PBX1: variants seen among roughly 807,000 people sequenced by gnomAD.
PBX1 encodes PBX homeobox 1, also known as pre-B-cell leukemia transcription factor 1.
PBX1 carries 6 observed loss-of-function variants against 53.4 expected under a neutral mutation model. That is an observed-to-expected ratio of 0.11 (90% CI 0.06 to 0.22). The LOEUF (loss-of-function observed/expected upper bound fraction) is 0.22. Ranked by LOEUF, PBX1 falls within the 10% of genes least tolerant of loss-of-function variation. The pLI is 1.00. For missense variants in PBX1, 251 were observed against 551.4 expected, an observed-to-expected ratio of 0.46 and a Z score of 5.46; for synonymous variants, 204 against 212.3, an observed-to-expected ratio of 0.96 and a Z score of 0.34.
intron 2 of PBX1, among the ~76,000 whole-genome samples, chr1:164,588,390 A>T (rs147572530): frequency 9.2e-5 from 14 of 151,904 alleles, no homozygotes; most frequent in African/African-American, 3.4e-4. Flanking sequence ...ATCACACGGT[A>T]AAAGTTGCCA....
At chr1:164,707,418 T>TGAGA (rs528876002) in intron 2 of PBX1, among the ~76,000 whole-genome samples, 13 of 118,258 alleles carry the variant, frequency 1.1e-4, no homozygotes, top group African/African-American at 4.2e-4. Context: ...TGTGTGTGTG[T>TGAGA]GAGAGAGAGA....
At chr1:164,567,043 T>C (rs1282681704) in intron 2 of PBX1, among the ~76,000 whole-genome samples, 1 of 152,176 alleles carries the variant, frequency 6.6e-6, no homozygotes, top group Non-Finnish European at 1.5e-5. Context: ...TTAATTCTAC[T>C]ACTTTATTTC....
chr1:164,768,017 C>G (rs1434796978), intron 2 of PBX1, among the ~76,000 whole-genome samples: 1 of 151,284 alleles, frequency 6.6e-6, no homozygotes, highest in Non-Finnish European at 1.5e-5. Flanking sequence ...TTTTTTTCCA[C>G]ATCAGTAGAT....
At chr1:164,684,408 A>G (rs1321355543) in intron 2 of PBX1, 1 of 152,192 alleles carries the variant, frequency 6.6e-6, no homozygotes, top group East Asian at 1.9e-4. Context: ...GGGAGATAAA[A>G]GGCAATCTAT....
At position 164,847,412 on chromosome 1, in the gene PBX1, G is replaced by T; in HGVS notation, c.*736G>T. The T allele has an allele frequency of 9.4e-7, 1 of 1,064,278 alleles. No homozygotes were observed. Among genetic ancestry groups the T allele is most frequent in the Non-Finnish European group, 1.1e-6 (1 of 878,604 alleles). The allele number at this position is 1,064,278 out of a possible 1,614,324, so 65.9% of individuals were successfully genotyped here. On this transcript the variant is annotated 3_prime_UTR_variant, in exon 9 of 9. Transcript: ENST00000420696. The stretch of plus-strand genomic sequence containing the variant: ...GCAGGGAAGGACACGGGAACAGCAG[G>T]TGGAGAATTCCTACAGTCTTTCTTA...
intron 6 of PBX1, 134 bp from the exon 7 acceptor site, chr1:164,819,938 T>C (rs1670069240): frequency 1.6e-6 from 1 of 622,402 alleles, no homozygotes; most frequent in Admixed American, 2.9e-5. Flanking sequence ...AACCAGACTC[T>C]GTTGATGTTA....
chr1:164,645,430 A>G (rs1659396016), intron 2 of PBX1, among the ~76,000 whole-genome samples: 1 of 152,202 alleles, frequency 6.6e-6, no homozygotes, highest in African/African-American at 2.4e-5. Flanking sequence ...AAAAAAGTTC[A>G]CAAAAGAAAT....
downstream of PBX1, among the ~76,000 whole-genome samples, chr1:164,854,697 T>C (rs1481801692): frequency 1.3e-5 from 2 of 151,832 alleles, no homozygotes; most frequent in African/African-American, 4.8e-5. Flanking sequence ...GTAAGGAAGG[T>C]TGTAAAGGGT....
At position 164,850,887 on chromosome 1, in the gene PBX1, TA is replaced by T; in HGVS notation, c.*4213del. 4.7e-6 allele frequency: 1 copy of T among 212,144 alleles called. No individual in the cohort carries two copies. Among genetic ancestry groups the T allele is most frequent in the Non-Finnish European group, 9.5e-6 (1 of 104,758 alleles). 13.1% of individuals were successfully genotyped at this position (212,144 alleles called of 1,614,324 possible). On this transcript the variant is annotated 3_prime_UTR_variant, in exon 9 of 9. Transcript: ENST00000420696. ...CCAAGTACTTTGTTTTATTTCTCCC[TA>T]ATTAATAACTACATTCCATGAGGCC...
At chr1:164,697,809 C>G (rs1459333905) in intron 2 of PBX1, among the ~76,000 whole-genome samples, 3 of 152,120 alleles carry the variant, frequency 2.0e-5, no homozygotes, top group African/African-American at 7.2e-5. Context: ...ACATCACCTC[C>G]CCCGACCAAA....
At position 164,559,802 on chromosome 1, in the gene PBX1, G is replaced by T; in HGVS notation, c.-21G>T. The T allele has an allele frequency of 6.5e-7, 1 of 1,527,848 alleles. No individual in the cohort carries two copies. The highest frequency in any genetic ancestry group is 8.8e-7 in the Non-Finnish European group (1 of 1,135,574). 94.6% of individuals were successfully genotyped at this position (1,527,848 alleles called of 1,614,324 possible). A position where few individuals can be genotyped will look rare whatever the true frequency, so the allele number is the denominator to read the frequency against. ...CGAGGAGCAGAAGAGGAAGAGCCGG[G>T]GGCTGCCGTAGCCTTTGGAGATGGA... On this transcript the variant is annotated 5_prime_UTR_variant, in exon 1 of 9. Coordinates refer to ENST00000420696, the MANE Select transcript of PBX1 (RefSeq NM_002585.4).
intron 2 of PBX1, among the ~76,000 whole-genome samples, chr1:164,668,397 A>G (rs1660927866): frequency 6.6e-6 from 1 of 152,156 alleles, no homozygotes; most frequent in African/African-American, 2.4e-5. Flanking sequence ...ACAAATGTAT[A>G]CAAATTCTCT....
At chr1:164,640,449 T>A (rs1016802936) in intron 2 of PBX1, among the ~76,000 whole-genome samples, 3 of 152,146 alleles carry the variant, frequency 2.0e-5, no homozygotes, top group African/African-American at 7.2e-5. Flanking sequence ...ACTCAGCAGA[T>A]TGCTCCTGGT....
chr1:164,709,310 C>T (rs1392639802), intron 2 of PBX1, among the ~76,000 whole-genome samples: 1 of 152,144 alleles, frequency 6.6e-6, no homozygotes, highest in Admixed American at 6.5e-5. Flanking sequence ...GAAATAGGCC[C>T]AGTTGCTTAT....
chr1:164,664,773 G>A (rs1414655540), intron 2 of PBX1, among the ~76,000 whole-genome samples: 1 of 152,160 alleles, frequency 6.6e-6, no homozygotes, highest in Admixed American at 6.5e-5. Context: ...GTGGATGGCA[G>A]CAGGCAAAAA....
At chr1:164,833,138 CA>C (rs1194227447) in intron 8 of PBX1, among the ~76,000 whole-genome samples, 2 of 149,706 alleles carry the variant, frequency 1.3e-5, no homozygotes, top group African/African-American at 4.9e-5. Flanking sequence ...TTGGGGTAAG[CA>C]AAAAAAAGTT....
At chr1:164,703,090 C>A (rs1249433748) in intron 2 of PBX1, 1 of 152,164 alleles carries the variant, frequency 6.6e-6, no homozygotes, top group Non-Finnish European at 1.5e-5. Context: ...TCGATCCCAC[C>A]ATTGGTCAAC....
downstream of PBX1, among the ~76,000 whole-genome samples, chr1:164,856,031 C>T (rs1671968941): frequency 6.6e-6 from 1 of 152,182 alleles, no homozygotes; most frequent in Non-Finnish European, 1.5e-5. Flanking sequence ...ATATGTTTAT[C>T]CCTGTACCAC....
rs189483952 is a variant in PBX1, at chr1:164,567,113, A to G, written c.265+3802A>G. On this transcript the variant is annotated intron_variant, in intron 2 of 8. Coordinates refer to ENST00000420696, the MANE Select transcript of PBX1 (RefSeq NM_002585.4). Reference sequence around the variant, plus strand: ...CACTTCTTTTTAATATAGCAATTACATTATGGGACTTCTCCTCTCCTCTCC... The same window carrying G: ...CACTTCTTTTTAATATAGCAATTACGTTATGGGACTTCTCCTCTCCTCTCC... 4.9e-4 allele frequency among the ~76,000 whole-genome samples: 74 copies of G among 151,992 alleles called. 1 individual carries two copies. Among genetic ancestry groups the G allele is most frequent in the Admixed American group, 9.2e-4 (14 of 15,254 alleles).
Sources: allele counts gnomAD v4.1 joint callset (sites outside exome capture counted in the v4.1 genomes callset), GRCh38; gene constraint gnomAD v4.1.1; transcripts MANE v1.5; gene names NCBI Gene and HGNC (gene_info 2026-07-23, HGNC 2026-07-21).